The following R3HDM2 variants were observed in gnomAD, a reference collection of about 807,000 sequenced individuals.
R3HDM2 encodes R3H domain-containing protein 2.
Under a neutral mutation model 124.5 loss-of-function variants are expected in R3HDM2, and 38 were observed. The ratio of observed to expected loss-of-function variants is 0.31; its 90% CI spans 0.24 to 0.40. R3HDM2 has a LOEUF of 0.40. Ranked by LOEUF, R3HDM2 falls within the 10% of genes least tolerant of loss-of-function variation. The probability of loss-of-function intolerance (pLI) is 1.00; values close to 1 mark genes in which losing one functional copy is unlikely to be tolerated. For missense variants in R3HDM2, 869 were observed against 1,236.9 expected (o/e 0.70, Z 4.46); for synonymous variants, 391 against 448.0 (o/e 0.87, Z 1.61).
chr12:57,346,367 A>T (rs1484986389), intron 2 of R3HDM2, among the ~76,000 whole-genome samples: 1 of 150,664 alleles, frequency 6.6e-6, no homozygotes, highest in East Asian at 2.0e-4. Flanking sequence ...CTGAGGCAGG[A>T]GAATCACTTG....
intron 12 of R3HDM2, among the ~76,000 whole-genome samples, chr12:57,284,732 A>G (rs1010481864): frequency 4.6e-5 from 7 of 152,318 alleles, no homozygotes; most frequent in Admixed American, 1.3e-4. Context: ...TTCAGCAAAT[A>G]TGCTCTTGGG....
intron 14 of R3HDM2, among the ~76,000 whole-genome samples, chr12:57,273,541 A>G (rs2044048674): frequency 6.6e-6 from 1 of 152,202 alleles, no homozygotes; most frequent in Non-Finnish European, 1.5e-5. Context: ...AGCCTCACAC[A>G]AGAATCCTAT....
Position 57,296,164 on chromosome 12 carries a change from G to A in R3HDM2, c.701+247C>T, listed in dbSNP as rs1312787365. Among the ~76,000 whole-genome samples, 3 of 151,932 alleles carry A rather than the reference G, an allele frequency of 2.0e-5. No homozygotes were observed. Among genetic ancestry groups the A allele is most frequent in the East Asian group, 1.9e-4 (1 of 5,186 alleles). On this transcript the variant is annotated intron_variant, in intron 9 of 23. Coordinates refer to ENST00000402412, the MANE Select transcript of R3HDM2 (RefSeq NM_001394031.1). This position sits in a 1 kb window ranked among gnomAD's most constrained non-coding sequence, Gnocchi z 4.5. ...ATTACAGGCGTCAGCCACTGCGCCC[G>A]GCCATTTTTAAACTTTTTTTTTTTT...
At chr12:57,266,373 G>C (rs2042420475) in intron 19 of R3HDM2, among the ~76,000 whole-genome samples, 2 of 151,990 alleles carry the variant, frequency 1.3e-5, no homozygotes, top group South Asian at 4.1e-4. Context: ...TGGGATTACA[G>C]GCATGAGCCA....
intron 2 of R3HDM2, among the ~76,000 whole-genome samples, chr12:57,372,218 G>A (rs2063472828): frequency 6.6e-6 from 1 of 152,074 alleles, no homozygotes; most frequent in African/African-American, 2.4e-5. Context: ...ATGGACCAGT[G>A]GGATTTAACA....
intron 2 of R3HDM2, among the ~76,000 whole-genome samples, chr12:57,325,252 C>T (rs185752055): frequency 1.3e-5 from 2 of 152,304 alleles, no homozygotes; most frequent in Admixed American, 1.3e-4. Flanking sequence ...AAGAGATTAT[C>T]CTGCCTCAGC....
chr12:57,372,103 G>T (rs1189925849), intron 2 of R3HDM2, among the ~76,000 whole-genome samples: 2 of 152,142 alleles, frequency 1.3e-5, no homozygotes, highest in Non-Finnish European at 2.9e-5. Flanking sequence ...CTGACCTCAG[G>T]TGATCCACCC....
At chr12:57,412,637 G>A (rs1318525612) in intron 1 of R3HDM2, among the ~76,000 whole-genome samples, 4 of 152,164 alleles carry the variant, frequency 2.6e-5, no homozygotes, top group African/African-American at 9.7e-5. Context: ...TTAATTCAGA[G>A]AGCAGAAGAT....
intron 1 of R3HDM2, among the ~76,000 whole-genome samples, chr12:57,396,777 CAAA>C (rs35199480): frequency 3.1e-4 from 32 of 104,844 alleles, no homozygotes; most frequent in Admixed American, 5.8e-4. Context: ...GACTCTGTCT[CAAA>C]AAAAAAAAAA....
At chr12:57,373,855 T>C (rs1463312676) in intron 2 of R3HDM2, among the ~76,000 whole-genome samples, 7 of 142,686 alleles carry the variant, frequency 4.9e-5, no homozygotes, top group Non-Finnish European at 7.7e-5. Context: ...AATAAGGGCG[T>C]GGTGGCTCAT....
chr12:57,304,644 G>A lies in R3HDM2; in HGVS notation c.166-1427C>T, dbSNP rs569930821. On this transcript the variant is annotated intron_variant, in intron 3 of 23. Transcript: ENST00000402412. ...CTGTTGCAGTAAGGGAAGATTCATA[G>A]TCCAGAAATATGAAGCAGTATTTGT... The A allele has an allele frequency of 8.0e-4, 309 of 387,862 alleles. 1 individual carries two copies. The highest frequency in any genetic ancestry group is 1.9e-3 in the Admixed American group (29 of 15,542). 24.0% of individuals were successfully genotyped at this position (387,862 alleles called of 1,614,324 possible).
At chr12:57,404,469 G>C (rs1413125318) in intron 1 of R3HDM2, among the ~76,000 whole-genome samples, 4 of 151,682 alleles carry the variant, frequency 2.6e-5, no homozygotes, top group African/African-American at 9.7e-5. Context: ...AGGCCGAGGA[G>C]GGCAGATCAC....
At chr12:57,334,825 G>A (rs7398058) in intron 2 of R3HDM2, among the ~76,000 whole-genome samples, 67,814 of 151,710 alleles carry the variant, frequency 0.45, 15,726 homozygotes, top group South Asian at 0.52. Context: ...CTCAATATAC[G>A]GAGAGCTAAA....
intron 4 of R3HDM2, among the ~76,000 whole-genome samples, chr12:57,302,366 C>T (rs2051400655): frequency 6.7e-6 from 1 of 150,158 alleles, no homozygotes; most frequent in South Asian, 2.1e-4. Context: ...GGTGGATCAC[C>T]TAAGGTCAAG....
At chr12:57,317,431 C>G (rs11172160) in intron 2 of R3HDM2, among the ~76,000 whole-genome samples, 69,114 of 151,652 alleles carry the variant, frequency 0.46, 16,426 homozygotes, top group Middle Eastern at 0.8. Flanking sequence ...GCAATCCACC[C>G]GCCTTGGCCT....
Position 57,254,068 on chromosome 12 carries a change from T to C in R3HDM2, c.*705A>G, listed in dbSNP as rs939148429. The C allele has an allele frequency of 2.4e-6, 1 of 421,474 alleles. No homozygotes were observed. Among genetic ancestry groups the C allele is most frequent in the Non-Finnish European group, 4.6e-6 (1 of 218,128 alleles). The allele number at this position is 421,474 out of a possible 1,614,324, so 26.1% of individuals were successfully genotyped here. A position where few individuals can be genotyped will look rare whatever the true frequency, so the allele number is the denominator to read the frequency against. On this transcript the variant is annotated 3_prime_UTR_variant, in exon 24 of 24. Coordinates refer to ENST00000402412, the MANE Select transcript of R3HDM2 (RefSeq NM_001394031.1). ...TATCTTAATTCTGTCCATATAAATATATTCATAAAGACCAAAAAAGGAAAG... is the reference window on the plus strand; with the variant it reads ...TATCTTAATTCTGTCCATATAAATACATTCATAAAGACCAAAAAAGGAAAG...
intron 2 of R3HDM2, among the ~76,000 whole-genome samples, chr12:57,314,123 G>A (rs1593137864): frequency 6.6e-6 from 1 of 151,950 alleles, no homozygotes; most frequent in Non-Finnish European, 1.5e-5. Flanking sequence ...GCAAGGTGGA[G>A]GTTGCGGTGA....
At chr12:57,336,580 G>A (rs576272247) in intron 2 of R3HDM2, among the ~76,000 whole-genome samples, 6 of 152,064 alleles carry the variant, frequency 3.9e-5, no homozygotes, top group South Asian at 2.1e-4. Context: ...ACCAAATACC[G>A]CATGTTATCA....
intron 2 of R3HDM2, among the ~76,000 whole-genome samples, chr12:57,350,109 T>C (rs940510487): frequency 2.0e-5 from 3 of 151,786 alleles, no homozygotes; most frequent in Admixed American, 6.6e-5. Flanking sequence ...ACTTGGGAAG[T>C]TGAGGCAGGA....
Sources: gnomAD v4.1 joint callset for allele counts (sites outside exome capture counted in the v4.1 genomes callset) on GRCh38, gnomAD v4.1.1 for gene constraint, Gnocchi (gnomAD v3.1) non-coding constraint, MANE v1.5 for transcripts, NCBI Gene and HGNC (gene_info 2026-07-23, HGNC 2026-07-21) for gene names.